Variants in STARD13 observed in about 807,000 individuals in gnomAD.
STARD13 encodes StAR related lipid transfer domain containing 13.
Under a neutral mutation model 106.4 loss-of-function variants are expected in STARD13, and 62 were observed. The observed-to-expected ratio is 0.58, with a 90% CI of 0.48 to 0.72. STARD13 has a LOEUF of 0.72. Among genes scored for constraint, STARD13 ranks in the 30% least tolerant of loss-of-function variants. The pLI is 0.00. For synonymous variants in STARD13, 565 were observed against 553.0 expected (o/e 1.02, Z -0.31); for missense variants, 1,387 against 1,424.0 (o/e 0.97, Z 0.42).
intron 1 of STARD13, among the ~76,000 whole-genome samples, chr13:33,253,622 G>C (rs1890194555): frequency 6.6e-6 from 1 of 152,124 alleles, no homozygotes; most frequent in African/African-American, 2.4e-5. Flanking sequence ...CAGTGATGAG[G>C]GCAGGGATGC....
At chr13:33,446,457 G>C in the STARD13 span, among the ~76,000 whole-genome samples, 1 of 151,794 alleles carries the variant, frequency 6.6e-6, no homozygotes, top group African/African-American at 2.4e-5. Context: ...AAAAAAGATA[G>C]ATTATATAGT....
the STARD13 span, among the ~76,000 whole-genome samples, chr13:33,361,360 G>A: frequency 6.6e-6 from 1 of 152,048 alleles, no homozygotes; most frequent in African/African-American, 2.4e-5. Context: ...ATAACAAAAC[G>A]TGTTAACCAA....
intron 1 of STARD13, among the ~76,000 whole-genome samples, chr13:33,211,527 C>T (rs1349326350): frequency 6.6e-6 from 1 of 152,092 alleles, no homozygotes; most frequent in South Asian, 2.1e-4. Context: ...ATATCAAAAT[C>T]CACAGATTCT....
At chr13:33,510,702 G>T in the STARD13 span, among the ~76,000 whole-genome samples, 2 of 152,130 alleles carry the variant, frequency 1.3e-5, no homozygotes, top group East Asian at 3.9e-4. Flanking sequence ...ACTAGGAACT[G>T]CTGCTGGTCA....
intron 1 of STARD13, among the ~76,000 whole-genome samples, chr13:33,268,707 C>T (rs1891023069): frequency 6.6e-6 from 1 of 152,212 alleles, no homozygotes; most frequent in South Asian, 2.1e-4. Context: ...TCTACAACTA[C>T]AAGTTTCAGA....
intron 10 of STARD13, 117 bp from the exon 11 acceptor site, chr13:33,111,024 C>T (rs559500746): frequency 6.2e-5 from 51 of 816,338 alleles, no homozygotes; most frequent in East Asian, 1.9e-4. Flanking sequence ...GAGGGCCACA[C>T]GGCCAGAGAT....
chr13:33,140,637 G>A (rs918721892), intron 4 of STARD13, among the ~76,000 whole-genome samples: 1 of 151,760 alleles, frequency 6.6e-6, no homozygotes, highest in African/African-American at 2.4e-5. Context: ...TTTTTTTTTG[G>A]TGTTATTTTA....
intron 1 of STARD13, among the ~76,000 whole-genome samples, chr13:33,282,856 G>A (rs949991444): frequency 6.6e-6 from 1 of 151,952 alleles, no homozygotes; most frequent in African/African-American, 2.4e-5. Flanking sequence ...GTGAGACCCT[G>A]TCTCTATAAA....
At chr13:33,611,281 C>T in the STARD13 span, 1 of 152,200 alleles carries the variant, frequency 6.6e-6, no homozygotes, top group African/African-American at 2.4e-5. Context: ...GACAGCGCTC[C>T]CTCTCCCCCA....
chr13:33,627,767 T>C, the STARD13 span, among the ~76,000 whole-genome samples: 1 of 152,188 alleles, frequency 6.6e-6, no homozygotes, highest in Non-Finnish European at 1.5e-5. Flanking sequence ...AGCCTGCCCA[T>C]TGGCCTAGCC....
At chr13:33,168,297 G>A (rs1440152658) in intron 1 of STARD13, among the ~76,000 whole-genome samples, 3 of 152,102 alleles carry the variant, frequency 2.0e-5, no homozygotes, top group African/African-American at 2.4e-5. Context: ...TGAGTTTGAT[G>A]AGCCTGCCAG....
the STARD13 span, among the ~76,000 whole-genome samples, chr13:33,668,655 AG>A: frequency 6.6e-6 from 1 of 152,216 alleles, no homozygotes; most frequent in African/African-American, 2.4e-5. Flanking sequence ...ACCCTGAGTG[AG>A]AAGATGAGTG....
chr13:33,126,352 CG>C, intron 6 of STARD13, 112 bp from the exon 7 acceptor site: 2 of 1,003,722 alleles, frequency 2.0e-6, no homozygotes, highest in East Asian at 2.4e-5. Context: ...CCAACAGATG[CG>C]GGGTGAATTC....
chr13:33,629,311 C>G, the STARD13 span, among the ~76,000 whole-genome samples: 1 of 152,228 alleles, frequency 6.6e-6, no homozygotes, highest in Non-Finnish European at 1.5e-5. Flanking sequence ...TTACTGGACA[C>G]TATTACTTAG....
the STARD13 span, among the ~76,000 whole-genome samples, chr13:33,384,397 G>T: frequency 6.6e-6 from 1 of 152,280 alleles, no homozygotes; most frequent in East Asian, 1.9e-4. Context: ...CCACTCAGTA[G>T]GGTTTGTTAA....
the STARD13 span, among the ~76,000 whole-genome samples, chr13:33,457,045 A>T: frequency 1.3e-5 from 2 of 152,250 alleles, no homozygotes. Context: ...ATTTGGTGAC[A>T]GAGTGTTTGT....
intron 1 of STARD13, among the ~76,000 whole-genome samples, chr13:33,177,806 AAGG>A (rs1566052085): frequency 0.024 from 332 of 13,908 alleles, 52 homozygotes; most frequent in African/African-American, 0.083. Flanking sequence ...GAAGGAAAGG[AAGG>A]AAGGAAGGAA....
intron 1 of STARD13, among the ~76,000 whole-genome samples, chr13:33,176,619 TGAG>T (rs979674560): frequency 2.0e-5 from 3 of 152,216 alleles, no homozygotes; most frequent in Non-Finnish European, 4.4e-5. Context: ...AAATTTAAAA[TGAG>T]TTCAGGTATT....
chr13:33,138,771 A>T, intron 4 of STARD13: 2 of 440,426 alleles, frequency 4.5e-6, no homozygotes, highest in South Asian at 3.3e-5. Context: ...TCTTCCAGTG[A>T]GGCGTGCAGC....
Sources: gnomAD v4.1 joint callset for allele counts (sites outside exome capture counted in the v4.1 genomes callset) on GRCh38, gnomAD v4.1.1 for gene constraint, MANE v1.5 for transcripts, NCBI Gene and HGNC (gene_info 2026-07-23, HGNC 2026-07-21) for gene names.